The following ST3GAL3 variants were observed in gnomAD, a reference collection of about 807,000 sequenced individuals.
ST3GAL3 encodes ST3 beta-galactoside alpha-2,3-sialyltransferase 3.
In ST3GAL3, 21 loss-of-function variants were observed where a neutral mutation model predicts 50.1. That is an observed-to-expected ratio of 0.42 (90% CI 0.30 to 0.60). ST3GAL3 has a LOEUF of 0.60. Among genes scored for constraint, ST3GAL3 ranks in the 20% least tolerant of loss-of-function variants. The pLI is 0.19. For missense variants in ST3GAL3, 353 were observed against 489.4 expected (o/e 0.72, Z 2.63); for synonymous variants, 183 against 190.0 (o/e 0.96, Z 0.30).
chr1:43,716,179 T>C (rs1170563566), intron 1 of ST3GAL3, among the ~76,000 whole-genome samples: 1 of 152,250 alleles, frequency 6.6e-6, no homozygotes, highest in Non-Finnish European at 1.5e-5. Context: ...ACAATTATTT[T>C]TGCACCAACC....
intron 5 of ST3GAL3, chr1:43,851,424 T>G: frequency 6.2e-7 from 1 of 1,611,794 alleles, no homozygotes; most frequent in Non-Finnish European, 8.5e-7. Flanking sequence ...TGGGTCCAGC[T>G]TATAGGCCTG....
chr1:43,792,945 A>T (rs578208877), intron 3 of ST3GAL3, among the ~76,000 whole-genome samples: 4 of 152,340 alleles, frequency 2.6e-5, no homozygotes, highest in African/African-American at 9.6e-5. Flanking sequence ...GGTGGGCCTC[A>T]TACCATGGGT....
Position 43,930,370 on chromosome 1 carries a change from G to C in ST3GAL3, c.*149G>C. On this transcript the variant is annotated 3_prime_UTR_variant, in exon 12 of 12. Coordinates refer to ENST00000347631, the MANE Select transcript of ST3GAL3 (RefSeq NM_006279.5). Reference sequence around the variant, plus strand: ...TGGTGGAGCAGCCAGAGCTGTGCCTGCTCAGCAGCCAGTCTCAGAGACCAG... The same window carrying C: ...TGGTGGAGCAGCCAGAGCTGTGCCTCCTCAGCAGCCAGTCTCAGAGACCAG... The C allele has an allele frequency of 1.3e-6, 1 of 754,716 alleles. No individual in the cohort carries two copies. The highest frequency in any genetic ancestry group is 2.3e-6 in the Non-Finnish European group (1 of 430,340). The allele number at this position is 754,716 out of a possible 1,614,324, so 46.8% of individuals were successfully genotyped here.
chr1:43,866,796 C>T lies in ST3GAL3; in HGVS notation c.303-27587C>T, dbSNP rs1483751575. On this transcript the variant is annotated intron_variant, in intron 5 of 11. Transcript: ENST00000347631. Reference sequence around the variant, plus strand: ...TCTAGAGCAAGATCATGGGAGACCTCACAAGTCACTCCAAAAGGACTCTAG... The same window carrying T: ...TCTAGAGCAAGATCATGGGAGACCTTACAAGTCACTCCAAAAGGACTCTAG... Among the ~76,000 whole-genome samples, 3 of 152,064 alleles carry T rather than the reference C, an allele frequency of 2.0e-5. No individual in the cohort carries two copies. In the East Asian group the frequency reaches 5.8e-4, roughly 29 times the overall value.
chr1:43,902,949 A>G (rs1046784881), intron 9 of ST3GAL3, among the ~76,000 whole-genome samples: 4 of 152,234 alleles, frequency 2.6e-5, no homozygotes, highest in African/African-American at 9.6e-5. Flanking sequence ...CTAGAGTTAC[A>G]GTACAGTGTG....
In ST3GAL3 at chr1:43,736,591, T is replaced by C. The variant is rs1040710408; in HGVS notation, c.118+211T>C. On this transcript the variant is annotated intron_variant, in intron 2 of 11. Coordinates refer to ENST00000347631, the MANE Select transcript of ST3GAL3 (RefSeq NM_006279.5). ...TAAAAACTGCATGCCATGACAAATCTCAGTTCCTTTTACAAACTTGGTGAG... is the reference window on the plus strand; with the variant it reads ...TAAAAACTGCATGCCATGACAAATCCCAGTTCCTTTTACAAACTTGGTGAG... The C allele has an allele frequency of 3.7e-6, 3 of 804,028 alleles. No homozygotes were observed. In the African/African-American group the frequency reaches 5.1e-5, roughly 14 times the overall value. The allele number at this position is 804,028 out of a possible 1,614,324, so 49.8% of individuals were successfully genotyped here. A position where few individuals can be genotyped will look rare whatever the true frequency, so the allele number is the denominator to read the frequency against.
chr1:43,926,675 G>A (rs1194815834), intron 11 of ST3GAL3, among the ~76,000 whole-genome samples: 1 of 152,072 alleles, frequency 6.6e-6, no homozygotes, highest in Non-Finnish European at 1.5e-5. Flanking sequence ...AGAATCAAGG[G>A]CCCTGGTAAG....
chr1:43,824,139 G>A (rs576073828), intron 4 of ST3GAL3, among the ~76,000 whole-genome samples: 2 of 152,286 alleles, frequency 1.3e-5, no homozygotes, highest in African/African-American at 2.4e-5. Context: ...AAGGAAGAGG[G>A]TATGAGTAAG....
At position 43,736,267 on chromosome 1, in the gene ST3GAL3, G is replaced by A; in HGVS notation, c.5G>A (p.Gly2Glu). The A allele has an allele frequency of 6.2e-7, 1 of 1,614,114 alleles. No individual in the cohort carries two copies. Among genetic ancestry groups the A allele is most frequent in the Non-Finnish European group, 8.5e-7 (1 of 1,180,006 alleles). ...GAAATCGTAAATCATGTGAAGATGG[G>A]ACTCTTGGTATTTGTGCGCAATCTG... is the stretch of plus-strand genomic sequence containing the variant. M[G>E]LLVFVRNLLL... The change falls in exon 2 of 12, where the codon GGA (glycine) becomes GAA (glutamate). Residue 2 changes from glycine to glutamate, a missense_variant. Transcript: ENST00000347631.
intron 5 of ST3GAL3, among the ~76,000 whole-genome samples, chr1:43,854,389 A>G (rs1214001428): frequency 1.3e-5 from 2 of 152,206 alleles, no homozygotes; most frequent in Non-Finnish European, 2.9e-5. Flanking sequence ...ATTTGGCAGT[A>G]TTGATCTCTT....
At chr1:43,727,634 A>G (rs1178846496) in intron 1 of ST3GAL3, among the ~76,000 whole-genome samples, 1 of 152,230 alleles carries the variant, frequency 6.6e-6, no homozygotes, top group African/African-American at 2.4e-5. Context: ...CATCAGTTTT[A>G]ACAAGAAATG....
chr1:43,744,923 A>G (rs1251097820), intron 2 of ST3GAL3, among the ~76,000 whole-genome samples: 1 of 151,238 alleles, frequency 6.6e-6, no homozygotes, highest in Non-Finnish European at 1.5e-5. Context: ...CTCGGGAGAC[A>G]GAGGTTGCAG....
chr1:43,889,267 A>G (rs1020098634), intron 5 of ST3GAL3, among the ~76,000 whole-genome samples: 4 of 152,116 alleles, frequency 2.6e-5, no homozygotes, highest in Non-Finnish European at 5.9e-5. Context: ...AGAAAAAAGG[A>G]TACAATAAAA....
At chr1:43,748,721 C>A (rs1415848354) in intron 2 of ST3GAL3, among the ~76,000 whole-genome samples, 1 of 152,148 alleles carries the variant, frequency 6.6e-6, no homozygotes, top group Non-Finnish European at 1.5e-5. Context: ...CCTTGCCAGA[C>A]CTGTTTTTAA....
At chr1:43,808,801 A>G (rs1462491110) in intron 3 of ST3GAL3, among the ~76,000 whole-genome samples, 1 of 152,168 alleles carries the variant, frequency 6.6e-6, no homozygotes, top group African/African-American at 2.4e-5. Flanking sequence ...AAACTACCAG[A>G]ATCTGGGGAA....
intron 9 of ST3GAL3, chr1:43,920,162 C>T (rs955943432): frequency 2.8e-5 from 16 of 563,796 alleles, no homozygotes; most frequent in East Asian, 2.2e-4. Flanking sequence ...CGACTCCCTT[C>T]GTATCCTCCT....
chr1:43,927,230 CAGG>C (rs1234125957), intron 11 of ST3GAL3, among the ~76,000 whole-genome samples: 1 of 152,130 alleles, frequency 6.6e-6, no homozygotes, highest in Non-Finnish European at 1.5e-5. Context: ...GAGGCTGAGG[CAGG>C]AGAATTGCTT....
chr1:43,895,360 A>G lies in ST3GAL3; in HGVS notation c.397+883A>G, dbSNP rs148429145. 3.1e-3 allele frequency among the ~76,000 whole-genome samples: 475 copies of G among 152,210 alleles called. 2 individuals are homozygous for G. The highest frequency in any genetic ancestry group is 5.6e-3 in the Non-Finnish European group (378 of 67,986). ...GCTAACTTAAGACTTTCCCATCCCT[A>G]GTAGTTGAACAATTCTGCTTCTTTG... On this transcript the variant is annotated intron_variant, in intron 6 of 11. Coordinates refer to ENST00000347631, the MANE Select transcript of ST3GAL3 (RefSeq NM_006279.5).
intron 5 of ST3GAL3, chr1:43,858,337 A>G: frequency 8.0e-7 from 1 of 1,247,002 alleles, no homozygotes; most frequent in African/African-American, 1.5e-5. Flanking sequence ...GACCAGACAC[A>G]CTGGTGGGGG....
Sources: gnomAD v4.1 joint callset for allele counts (sites outside exome capture counted in the v4.1 genomes callset) on GRCh38, gnomAD v4.1.1 for gene constraint, MANE v1.5 for transcripts, NCBI Gene and HGNC (gene_info 2026-07-23, HGNC 2026-07-21) for gene names.